Variants in EDRF1 observed in about 807,000 individuals in gnomAD.
The protein encoded by EDRF1 is erythroid differentiation regulatory factor 1.
A neutral mutation model predicts 148.7 loss-of-function variants in EDRF1; 69 were observed. The ratio of observed to expected loss-of-function variants is 0.46; its 90% CI spans 0.38 to 0.57. EDRF1 has a LOEUF of 0.57. Ranked by LOEUF, EDRF1 falls within the 20% of genes least tolerant of loss-of-function variation. EDRF1 has a pLI of 0.00. For missense variants in EDRF1, 1,118 were observed against 1,478.7 expected (o/e 0.76, Z 4.00); for synonymous variants, 515 against 532.8 (o/e 0.97, Z 0.46).
intron 24 of EDRF1, among the ~76,000 whole-genome samples, chr10:125,759,931 C>T (rs958072679): frequency 1.3e-5 from 2 of 152,138 alleles, no homozygotes; most frequent in East Asian, 1.9e-4. Context: ...AGGATGGTCT[C>T]GATCTTCTGA....
intron 24 of EDRF1, among the ~76,000 whole-genome samples, chr10:125,760,061 C>T (rs1478464935): frequency 6.6e-6 from 1 of 152,226 alleles, no homozygotes; most frequent in Non-Finnish European, 1.5e-5. Flanking sequence ...TTGTGGTACA[C>T]AGCAGCGGGT....
At chr10:125,755,018 T>TC (rs1849832310) in intron 24 of EDRF1, among the ~76,000 whole-genome samples, 1 of 152,176 alleles carries the variant, frequency 6.6e-6, no homozygotes, top group African/African-American at 2.4e-5. Context: ...GTTCCGTCAC[T>TC]CCAAGAATTC....
At chr10:125,759,697 G>A (rs542095981) in intron 24 of EDRF1, among the ~76,000 whole-genome samples, 2 of 152,020 alleles carry the variant, frequency 1.3e-5, no homozygotes, top group South Asian at 4.1e-4. Context: ...ATTTGGTTGT[G>A]TGTGTTTTTA....
At chr10:125,721,596 A>T (rs1402073575) in intron 2 of EDRF1, among the ~76,000 whole-genome samples, 184 bp downstream of exon 2, 1 of 152,254 alleles carries the variant, frequency 6.6e-6, no homozygotes. Context: ...GAAGATATAC[A>T]TACAATATCA....
At chr10:125,751,835 C>A (rs958597512) in intron 22 of EDRF1, 3 of 152,230 alleles carry the variant, frequency 2.0e-5, no homozygotes, top group Non-Finnish European at 4.4e-5. Context: ...GGAAGAGGCT[C>A]GGGAGGCAGA....
intron 15 of EDRF1, 46 bp from the exon 16 acceptor site, chr10:125,740,416 AC>A (rs1564742104): frequency 1.3e-6 from 2 of 1,585,206 alleles, no homozygotes; most frequent in Non-Finnish European, 1.7e-6. Context: ...CATGAGACTT[AC>A]AGTCAAATGA....
rs757908851 is a variant in EDRF1 at position 125,741,027 on chromosome 10, A to G, written c.2197A>G (p.Met733Val). The G allele has an allele frequency of 1.2e-6, 2 of 1,614,040 alleles. No homozygotes were observed. The highest frequency in any genetic ancestry group is 3.3e-5 in the Admixed American group (2 of 60,024). The change falls in exon 17 of 25, where the codon ATG (methionine) becomes GTG (valine). Residue 733 changes from methionine (M) to valine (V), a missense_variant. Around this residue, in one of 3 missense-constraint regions of EDRF1, gnomAD observed 954 missense variants for 1,241.4 expected, o/e 0.77. Coordinates refer to ENST00000356792, the MANE Select transcript of EDRF1 (RefSeq NM_001202438.2). ...TACTTATTGCTGCCTCTGCACCAAT[A>G]TGCTTTCCGAAGTGCTGTTGTTTCT... ...HDTYCCLCTN[M>V]LSEVLLFLSQ...
In EDRF1 at chr10:125,753,811, A is replaced by C. The variant is rs773090500; in HGVS notation, c.3511A>C (p.Ile1171Leu). 6.2e-7 allele frequency: 1 copy of C among 1,613,512 alleles called. No individual in the cohort carries two copies. The highest frequency in any genetic ancestry group is 8.5e-7 in the Non-Finnish European group (1 of 1,180,016). ...GTTGTCATTTCTTCTCCTTCAGTCCATTAAACTGCTATCTTCAACTAAAAA... is the reference window on the plus strand; with the variant it reads ...GTTGTCATTTCTTCTCCTTCAGTCCCTTAAACTGCTATCTTCAACTAAAAA... ...SRLSFLLLQSIKLLSSTKKKT... is the reference protein window; with the variant it reads ...SRLSFLLLQSLKLLSSTKKKT... The change falls in exon 24 of 25, where the codon ATT (isoleucine) becomes CTT (leucine). Residue 1171 changes from isoleucine (I) to leucine (L), a missense_variant. Physicochemically the swap from Ile to Leu is conservative, Grantham distance 5. Transcript: ENST00000356792.
rs1850273399 is a variant in EDRF1 at position 125,763,385 on chromosome 10, G to A, written c.3630G>A (p.Ala1210=). Reference sequence around the variant, plus strand: ...TGAGAGCAACTGCAAATAAAACCGCGACTCTTCTGGAAAGAATCAACGTTA... The same window carrying A: ...TGAGAGCAACTGCAAATAAAACCGCAACTCTTCTGGAAAGAATCAACGTTA... ...QLLRATANKT[A]TLLERINVIV... Residue 1210 remains alanine, a synonymous_variant, in exon 25 of 25, where the codon GCG becomes GCA. Coordinates refer to ENST00000356792, the MANE Select transcript of EDRF1 (RefSeq NM_001202438.2). This position sits in a 1 kb window ranked among gnomAD's most constrained non-coding sequence, Gnocchi z 4.3. 3 of 1,613,046 alleles carry A rather than the reference G, an allele frequency of 1.9e-6. No individual in the cohort carries two copies. Among genetic ancestry groups the A allele is most frequent in the Admixed American group, 1.7e-5 (1 of 60,010 alleles).
In EDRF1 at chr10:125,729,099, A is replaced by G. The variant is rs74586943; in HGVS notation, c.889A>G (p.Ser297Gly). The change falls in exon 7 of 25, where the codon AGT becomes GGT. Residue 297 changes from serine to glycine, a missense_variant. Around this residue, in one of 3 missense-constraint regions of EDRF1, gnomAD observed 954 missense variants for 1,241.4 expected, o/e 0.77. Transcript: ENST00000356792. The stretch of plus-strand genomic sequence containing the variant: ...TACTTTATTCAATGACGGGGAGCAC[A>G]GTCAGGTATGCTTTCCATGGTGTCC... ...LITLFNDGEHSQGLKNDFVRN... is the reference protein window; with the variant it reads ...LITLFNDGEHGQGLKNDFVRN... 7.8e-4 allele frequency: 1,221 copies of G among 1,563,382 alleles called. 7 individuals carry two copies. In the African/African-American group the frequency reaches 0.014, roughly 18 times the overall value.
chr10:125,743,341 G>T, intron 18 of EDRF1, 65 bp downstream of exon 18: 1 of 1,391,660 alleles, frequency 7.2e-7, no homozygotes, highest in East Asian at 2.4e-5. Context: ...AATTTTGTAT[G>T]AGTCAAGCAA....
At chr10:125,738,155 G>T in intron 14 of EDRF1, 140 bp from the exon 15 acceptor site, 3 of 1,387,054 alleles carry the variant, frequency 2.2e-6, no homozygotes, top group Admixed American at 1.8e-5. Context: ...AAATCTTTCA[G>T]ATCAAACATA....
chr10:125,755,262 A>G (rs1358699407), intron 24 of EDRF1, among the ~76,000 whole-genome samples: 1 of 152,246 alleles, frequency 6.6e-6, no homozygotes, highest in African/African-American at 2.4e-5. Context: ...TGAGATGACT[A>G]CATGGTTTCC....
rs1240567346 is a variant in EDRF1, at chr10:125,745,809, A to G, written c.2693A>G (p.Asn898Ser). 3.1e-6 allele frequency: 5 copies of G among 1,614,226 alleles called. No homozygotes were observed. The highest frequency in any genetic ancestry group is 1.1e-5 in the South Asian group (1 of 91,086). Residue 898 changes from asparagine to serine, a missense_variant, in exon 19 of 25, where the codon AAT becomes AGT. By Grantham distance (46) the Asn-to-Ser change is conservative (BLOSUM62 1). This residue lies in a region of EDRF1 where 954 missense variants were observed against 1,241.4 expected (regional missense o/e 0.77). Coordinates refer to ENST00000356792, the MANE Select transcript of EDRF1 (RefSeq NM_001202438.2). ...HNFESIEDAT[N>S]AALLLCNTGR... ...TTTGAATCAATTGAGGATGCCACCAATGCCGCCCTTTTATTATGTAACACG... is the reference window on the plus strand; with the variant it reads ...TTTGAATCAATTGAGGATGCCACCAGTGCCGCCCTTTTATTATGTAACACG...
At chr10:125,734,208 C>CTAA in intron 12 of EDRF1, 25 bp downstream of exon 12, 1 of 1,518,184 alleles carries the variant, frequency 6.6e-7, no homozygotes, top group African/African-American at 1.4e-5. Context: ...TATGTATTCT[C>CTAA]TAAAACAATC....
intron 19 of EDRF1, chr10:125,747,277 C>T: frequency 2.1e-6 from 1 of 484,276 alleles, no homozygotes; most frequent in Non-Finnish European, 3.7e-6. Flanking sequence ...CAGCCTGAGT[C>T]AGAAAGCAGC....
At position 125,725,856 on chromosome 10, in the gene EDRF1, A is replaced by G. The variant is rs1415012379; in HGVS notation, c.792+18A>G. 6.2e-7 allele frequency: 1 copy of G among 1,610,996 alleles called. No individual in the cohort carries two copies. The highest frequency in any genetic ancestry group is 1.7e-5 in the Admixed American group (1 of 59,994). On this transcript the variant is annotated intron_variant, in intron 6 of 24. Coordinates refer to ENST00000356792, the MANE Select transcript of EDRF1 (RefSeq NM_001202438.2). ...CCAGTCAGGTTAGTACTTAAATGCT[A>G]ATTCTAGAAACTCACATAGGAAAAC... is the stretch of plus-strand genomic sequence containing the variant.
At chr10:125,738,491 A>T (rs769328366) in intron 15 of EDRF1, 46 bp downstream of exon 15, 1 of 1,609,160 alleles carries the variant, frequency 6.2e-7, no homozygotes. Context: ...AGAATAATAC[A>T]CTGGTTCTTT....
At chr10:125,750,002 G>A (rs1285040506) in intron 22 of EDRF1, among the ~76,000 whole-genome samples, 1 of 152,090 alleles carries the variant, frequency 6.6e-6, no homozygotes, top group Non-Finnish European at 1.5e-5. Flanking sequence ...TTGGCCATGT[G>A]TGGTGGTGCA....
Sources: allele counts gnomAD v4.1 joint callset (sites outside exome capture counted in the v4.1 genomes callset), GRCh38; gene constraint gnomAD v4.1.1; regional missense constraint gnomAD v4.1.1; non-coding constraint Gnocchi (gnomAD v3.1); transcripts MANE v1.5; gene names NCBI Gene and HGNC (gene_info 2026-07-23, HGNC 2026-07-21).